Variants in LDHAL6A observed in about 807,000 individuals in gnomAD.
LDHAL6A encodes L-lactate dehydrogenase A-like 6A.
LDHAL6A carries 19 observed loss-of-function variants against 28.2 expected under a neutral mutation model. That is an observed-to-expected ratio of 0.67 (90% CI 0.47 to 0.99). LDHAL6A has a LOEUF of 0.99. Among genes scored for constraint, LDHAL6A ranks in the 50% least tolerant of loss-of-function variants. The pLI is 0.00. For synonymous variants in LDHAL6A, 144 were observed against 134.4 expected (o/e 1.07, Z -0.49); for missense variants, 372 against 398.6 (o/e 0.93, Z 0.57).
chr11:18,463,790 T>G (rs988091237), intron 1 of LDHAL6A, among the ~76,000 whole-genome samples, 171 bp from the exon 2 acceptor site: 17 of 152,242 alleles, frequency 1.1e-4, no homozygotes, highest in African/African-American at 3.6e-4. Context: ...ATTTGTATTT[T>G]TTCTGGTTTA....
At chr11:18,464,454 C>T (rs1484422600) in intron 2 of LDHAL6A, among the ~76,000 whole-genome samples, 1 of 152,198 alleles carries the variant, frequency 6.6e-6, no homozygotes, top group Non-Finnish European at 1.5e-5. Context: ...GTGGCTCATG[C>T]CTGTAATCCC....
rs530415024 is a variant in LDHAL6A, at chr11:18,474,533, C to T, written c.419-933C>T. 6.6e-4 allele frequency among the ~76,000 whole-genome samples: 100 copies of T among 151,526 alleles called. 1 individual carries two copies. Among genetic ancestry groups the T allele is most frequent in the African/African-American group, 2.1e-3 (88 of 41,306 alleles). On this transcript the variant is annotated intron_variant, in intron 3 of 6. Coordinates refer to ENST00000280706, the MANE Select transcript of LDHAL6A (RefSeq NM_144972.5). Reference sequence around the variant, plus strand: ...TCCCAAATAGCTGGGACTACAGGCGCGCACCACCATGCCTGGCTAATTTTT... The same window carrying T: ...TCCCAAATAGCTGGGACTACAGGCGTGCACCACCATGCCTGGCTAATTTTT...
chr11:18,477,644 A>G lies in LDHAL6A; in HGVS notation c.735A>G (p.Lys245=), dbSNP rs1431484089. ...ISSGYEMVKM[K]GYTSWGISLS... is the part of the protein sequence containing the mutation. Reference sequence around the variant, plus strand: ...GTGGCTATGAGATGGTCAAAATGAAAGGTTATACTTCTTGGGGCATTAGCC... The same window carrying G: ...GTGGCTATGAGATGGTCAAAATGAAGGGTTATACTTCTTGGGGCATTAGCC... Residue 245 remains lysine (K), a synonymous_variant, in exon 6 of 7, where the codon AAA becomes AAG. Transcript: ENST00000280706. The G allele has an allele frequency of 6.2e-7, 1 of 1,611,058 alleles. No individual in the cohort carries two copies. The highest frequency in any genetic ancestry group is 8.5e-7 in the Non-Finnish European group (1 of 1,179,292).
rs150211779 is a variant in LDHAL6A at position 18,473,998 on chromosome 11, T to C, written c.419-1468T>C. On this transcript the variant is annotated intron_variant, in intron 3 of 6. Coordinates refer to ENST00000280706, the MANE Select transcript of LDHAL6A (RefSeq NM_144972.5). The stretch of plus-strand genomic sequence containing the variant: ...ATCTTTTTCTTTAAATCTCATCTGA[T>C]GTAATATGTTGACAGATTTTTTGAT... 1.6e-3 allele frequency among the ~76,000 whole-genome samples: 237 copies of C among 152,348 alleles called. 1 individual carries two copies. The highest frequency in any genetic ancestry group is 5.0e-3 in the African/African-American group (209 of 41,596).
In LDHAL6A at chr11:18,477,981, A is replaced by G. The variant is rs1590263813; in HGVS notation, c.834+238A>G. 3.9e-5 allele frequency among the ~76,000 whole-genome samples: 6 copies of G among 152,154 alleles called. No homozygotes were observed. The East Asian group carries it at 1.2e-3, about 29-fold the overall frequency. On this transcript the variant is annotated intron_variant, in intron 6 of 6. Coordinates refer to ENST00000280706, the MANE Select transcript of LDHAL6A (RefSeq NM_144972.5). ...TAAAAGTAAGTGTTTTGGCATCTTT[A>G]TTATTTAACTAAGTGAACTGATTCT...
intron 6 of LDHAL6A, among the ~76,000 whole-genome samples, chr11:18,478,392 T>C (rs964861355): frequency 3.9e-5 from 6 of 152,072 alleles, no homozygotes; most frequent in Non-Finnish European, 7.4e-5. Flanking sequence ...TGTCTAATCA[T>C]GTTTTAAATT....
At chr11:18,466,444 G>T (rs1018936458) in intron 3 of LDHAL6A, among the ~76,000 whole-genome samples, 2 of 152,006 alleles carry the variant, frequency 1.3e-5, no homozygotes, top group Non-Finnish European at 2.9e-5. Flanking sequence ...CTTGAATCCA[G>T]GAGTTTGAGA....
intron 3 of LDHAL6A, among the ~76,000 whole-genome samples, chr11:18,473,150 C>G (rs753380418): frequency 2.6e-5 from 4 of 152,100 alleles, no homozygotes; most frequent in Non-Finnish European, 5.9e-5. Context: ...CTGCTGAAAC[C>G]CTCAGAATGT....
chr11:18,456,867 G>T, intron 1 of LDHAL6A, 61 bp downstream of exon 1: 1 of 1,522,722 alleles, frequency 6.6e-7, no homozygotes, highest in South Asian at 1.3e-5. Flanking sequence ...CACAGCGTAT[G>T]GTTGTGGAGG....
intron 2 of LDHAL6A, among the ~76,000 whole-genome samples, chr11:18,465,005 TTG>T: frequency 1.3e-5 from 2 of 149,342 alleles, no homozygotes; most frequent in African/African-American, 5.1e-5. Flanking sequence ...TTGTTTTGGT[TTG>T]TTTTTGAGAC....
rs755177696 is a variant in LDHAL6A at position 18,478,865 on chromosome 11, C to A, written c.994C>A (p.Leu332Ile). The A allele has an allele frequency of 6.2e-6, 10 of 1,609,870 alleles. No homozygotes were observed. In the South Asian group the frequency reaches 9.9e-5, roughly 16 times the overall value. The change falls in exon 7 of 7, where the codon CTT (leucine) becomes ATT (isoleucine). Residue 332 changes from leucine to isoleucine, a missense_variant. By Grantham distance (5) the Leu-to-Ile change is conservative. This residue lies in a region of LDHAL6A where 291 missense variants were observed against 302.9 expected (regional missense o/e 0.96). Transcript: ENST00000280706. ...TTGGGAAATTCAGAAGGAGCTCAAG[C>A]TTTAAAGTTGCTTAAAGCTAATTCT... is the stretch of plus-strand genomic sequence containing the variant. ...TLWEIQKELK[L>I]
chr11:18,459,453 G>GT (rs1848842456), intron 1 of LDHAL6A, among the ~76,000 whole-genome samples: 1 of 152,318 alleles, frequency 6.6e-6, no homozygotes, highest in South Asian at 2.1e-4. Context: ...TACTTTTGAG[G>GT]TTTTGGGACT....
intron 2 of LDHAL6A, 139 bp downstream of exon 2, chr11:18,464,217 T>C: frequency 1.7e-6 from 1 of 585,162 alleles, no homozygotes; most frequent in Admixed American, 2.8e-5. Context: ...TCATAACGTG[T>C]TCAGATTCCT....
chr11:18,471,314 A>G (rs1447253040), intron 3 of LDHAL6A, among the ~76,000 whole-genome samples: 3 of 149,818 alleles, frequency 2.0e-5, no homozygotes, highest in Non-Finnish European at 3.0e-5. Context: ...GGTTCAAGTG[A>G]TTCTCGTGCC....
chr11:18,465,593 A>C, intron 2 of LDHAL6A, 44 bp from the exon 3 acceptor site: 2 of 1,527,520 alleles, frequency 1.3e-6, no homozygotes, highest in Non-Finnish European at 1.8e-6. Flanking sequence ...TAAATGCCAG[A>C]TGTTTTCTTT....
chr11:18,465,664 T>C lies in LDHAL6A; in HGVS notation c.272T>C (p.Leu91Pro). The change falls in exon 3 of 7, where the codon CTA (leucine) becomes CCA (proline). Residue 91 changes from leucine to proline, a missense_variant. Physicochemically the swap from Leu to Pro is moderately conservative, Grantham distance 98. Transcript: ENST00000280706. ...KDYLVTANSN[L>P]VIITAGARQK... ...TACCTGGTCACTGCAAACTCCAATCTAGTGATTATCACAGCAGGTGCACGC... is the reference window on the plus strand; with the variant it reads ...TACCTGGTCACTGCAAACTCCAATCCAGTGATTATCACAGCAGGTGCACGC... The C allele has an allele frequency of 6.2e-7, 1 of 1,614,002 alleles. No homozygotes were observed. The highest frequency in any genetic ancestry group is 8.5e-7 in the Non-Finnish European group (1 of 1,179,934).
At position 18,456,718 on chromosome 11, in the gene LDHAL6A, CG is replaced by C. The variant is rs1848765404; in HGVS notation, c.40del (p.Glu14LysfsTer13). On this transcript the variant is annotated frameshift_variant, in exon 1 of 7. Transcript: ENST00000280706. LOFTEE classifies it high-confidence loss of function. ...AAGAGTGAACTTATTAAGAATTTCG[CG>C]GAAGAGGAGGCCATTCATCACAATA... is the stretch of plus-strand genomic sequence containing the variant. ...TIKSELIKNFAEEEAIHHNKI... is the reference protein window; with the variant it reads ...TIKSELIKNFXEEEAIHHNKI... The C allele has an allele frequency of 1.9e-6, 3 of 1,613,776 alleles. No individual in the cohort carries two copies. The highest frequency in any genetic ancestry group is 2.5e-6 in the Non-Finnish European group (3 of 1,179,762).
chr11:18,460,629 A>C (rs2133862276), intron 1 of LDHAL6A, among the ~76,000 whole-genome samples: 1 of 150,668 alleles, frequency 6.6e-6, no homozygotes, highest in South Asian at 2.1e-4. Context: ...GTGCGGTGGT[A>C]CATGCTAGTA....
chr11:18,477,067 T>A (rs1001114197), intron 5 of LDHAL6A, among the ~76,000 whole-genome samples: 1 of 149,748 alleles, frequency 6.7e-6, no homozygotes, highest in Non-Finnish European at 1.5e-5. Context: ...AATAAAAAAT[T>A]AGCTGAGCAT....
Sources: allele counts gnomAD v4.1 joint callset (sites outside exome capture counted in the v4.1 genomes callset), GRCh38; gene constraint gnomAD v4.1.1; regional missense constraint gnomAD v4.1.1; transcripts MANE v1.5; gene names NCBI Gene and HGNC (gene_info 2026-07-23, HGNC 2026-07-21).